The following BLK variants were observed in gnomAD, a reference collection of about 807,000 sequenced individuals.
The protein encoded by BLK is tyrosine-protein kinase Blk.
Under a neutral mutation model 61.8 loss-of-function variants are expected in BLK, and 64 were observed. That is an observed-to-expected ratio of 1.03 (90% CI 0.85 to 1.27). BLK has a LOEUF of 1.27. Among genes scored for constraint, BLK ranks in the 50% most tolerant of loss-of-function variants. The pLI, the probability that BLK is intolerant of heterozygous loss-of-function variation, is 0.00. For missense variants in BLK, 853 were observed against 660.5 expected (o/e 1.29, Z -3.19); for synonymous variants, 351 against 272.0 (o/e 1.29, Z -2.86).
At chr8:11,503,315 T>C (rs1005832121) in intron 1 of BLK, among the ~76,000 whole-genome samples, 1 of 152,186 alleles carries the variant, frequency 6.6e-6, no homozygotes, top group Non-Finnish European at 1.5e-5. Context: ...GCTCCTGATC[T>C]TGGATGGGAG....
At chr8:11,501,414 G>A (rs931113330) in intron 1 of BLK, among the ~76,000 whole-genome samples, 20 of 149,740 alleles carry the variant, frequency 1.3e-4, no homozygotes, top group African/African-American at 4.9e-4. Flanking sequence ...TGTGGTGTCT[G>A]TCTGTCTGTC....
intron 2 of BLK, among the ~76,000 whole-genome samples, chr8:11,544,843 A>G (rs1193141442): frequency 1.3e-5 from 2 of 152,202 alleles, no homozygotes; most frequent in East Asian, 1.9e-4. Context: ...TATTTGTAAC[A>G]TATGTCAGGT....
chr8:11,510,774 C>CAAAT (rs71203391), intron 1 of BLK, among the ~76,000 whole-genome samples: 5,065 of 144,894 alleles, frequency 0.035, 103 homozygotes, highest in Middle Eastern at 0.052. Flanking sequence ...GACTCCATCT[C>CAAAT]AAATAAATAA....
At chr8:11,523,759 T>C (rs750337151) in intron 1 of BLK, among the ~76,000 whole-genome samples, 1 of 151,792 alleles carries the variant, frequency 6.6e-6, no homozygotes. Flanking sequence ...AAGTGGCTAA[T>C]AAGTACATGA....
At chr8:11,498,186 C>A (rs1413278714) in intron 1 of BLK, among the ~76,000 whole-genome samples, 1 of 152,196 alleles carries the variant, frequency 6.6e-6, no homozygotes, top group African/African-American at 2.4e-5. Flanking sequence ...ACAAGACACA[C>A]CTGGGATGCA....
At chr8:11,532,049 G>T (rs1799907063) in intron 1 of BLK, among the ~76,000 whole-genome samples, 2 of 152,044 alleles carry the variant, frequency 1.3e-5, no homozygotes, top group African/African-American at 4.8e-5. Flanking sequence ...AGTAGAGATG[G>T]GGTTTCACCA....
chr8:11,541,355 C>G (rs752370755), intron 1 of BLK, among the ~76,000 whole-genome samples: 15 of 152,106 alleles, frequency 9.9e-5, no homozygotes, highest in South Asian at 4.2e-4. Flanking sequence ...CAGGAATGTA[C>G]AGATGTTTCA....
chr8:11,515,499 T>C (rs963069786), intron 1 of BLK, among the ~76,000 whole-genome samples: 2 of 152,142 alleles, frequency 1.3e-5, no homozygotes, highest in Admixed American at 1.3e-4. Context: ...CTGCTCCCCT[T>C]TAATTGCTTG....
chr8:11,511,383 T>C (rs1799002026), intron 1 of BLK, among the ~76,000 whole-genome samples: 1 of 152,052 alleles, frequency 6.6e-6, no homozygotes, highest in Non-Finnish European at 1.5e-5. Context: ...ACATGGCACA[T>C]GTATACATAT....
In BLK at chr8:11,543,284, G is replaced by A; in HGVS notation, c.60G>A (p.Lys20=). 6.2e-7 allele frequency: 1 copy of A among 1,613,986 alleles called. No individual in the cohort carries two copies. The stretch of plus-strand genomic sequence containing the variant: ...AAAAGCCGATCAAAGAGAAGGACAA[G>A]GGCCAATGGAGCCCCCTGAAGGTCA... ...DKEKPIKEKD[K]GQWSPLKVSA... The change falls in exon 2 of 13, where the codon AAG becomes AAA. Residue 20 remains lysine, a synonymous_variant. Transcript: ENST00000259089.
At chr8:11,509,902 TTCTTC>T (rs1798930242) in intron 1 of BLK, 1 of 152,164 alleles carries the variant, frequency 6.6e-6, no homozygotes, top group Non-Finnish European at 1.5e-5. Context: ...GCACCTTAGA[TTCTTC>T]TCTTTTCTTT....
chr8:11,495,995 G>A (rs1798347007), intron 1 of BLK, among the ~76,000 whole-genome samples: 1 of 152,202 alleles, frequency 6.6e-6, no homozygotes, highest in Admixed American at 6.5e-5. Flanking sequence ...CTCAGAGCAG[G>A]AGTAGCCAAA....
Position 11,562,983 on chromosome 8 carries a change from CAAGTTCCCCATCAAGTGG to C in BLK, c.1187_1204del (p.Lys396_Trp401del), listed in dbSNP as rs775429022. The C allele has an allele frequency of 1.9e-6, 3 of 1,613,968 alleles. No individual in the cohort carries two copies. The highest frequency in any genetic ancestry group is 3.3e-5 in the Admixed American group (2 of 60,012). On this transcript the variant is annotated inframe_deletion, in exon 12 of 13. Transcript: ENST00000259089. ...CTTGCATGGCTTTTCCCACAGGGGC[CAAGTTCCCCATCAAGTGG>C]ACAGCCCCGGAAGCCATCCACTTCG...
chr8:11,561,348 G>A lies in BLK; in HGVS notation c.1076G>A (p.Arg359His), dbSNP rs771699695. The A allele has an allele frequency of 1.2e-5, 20 of 1,613,960 alleles. No individual in the cohort carries two copies. Among genetic ancestry groups the A allele is most frequent in the South Asian group, 4.4e-5 (4 of 91,046 alleles). Residue 359 changes from arginine (R) to histidine (H), a missense_variant, in exon 11 of 13, where the codon CGC (arginine) becomes CAC (histidine). Transcript: ENST00000259089. Reference sequence around the variant, plus strand: ...ATTGAGCGCATGAATTCCATCCACCGCGACCTGCGGGCGGCCAACATCCTG... The same window carrying A: ...ATTGAGCGCATGAATTCCATCCACCACGACCTGCGGGCGGCCAACATCCTG... ...AYIERMNSIH[R>H]DLRAANILVS...
Position 11,555,453 on chromosome 8 carries a change from C to T in BLK, c.741C>T (p.Leu247=), listed in dbSNP as rs201671994. The change falls in exon 8 of 13, where the codon CTC becomes CTT. Residue 247 remains leucine (L), a synonymous_variant. Coordinates refer to ENST00000259089, the MANE Select transcript of BLK (RefSeq NM_001715.3). ...AGTCTCTCAGGCTGGTCAGGAAACTCGGGTCTGGACAATTCGGCGAAGTCT... is the reference window on the plus strand; with the variant it reads ...AGTCTCTCAGGCTGGTCAGGAAACTTGGGTCTGGACAATTCGGCGAAGTCT... ...PRQSLRLVRK[L]GSGQFGEVWM... The T allele has an allele frequency of 3.2e-5, 51 of 1,614,156 alleles. No individual in the cohort carries two copies. The highest frequency in any genetic ancestry group is 1.6e-4 in the East Asian group (7 of 44,880).
intron 1 of BLK, among the ~76,000 whole-genome samples, chr8:11,500,990 C>G (rs1019745848): frequency 1.3e-5 from 2 of 151,992 alleles, no homozygotes; most frequent in Non-Finnish European, 2.9e-5. Flanking sequence ...GGGAGGATTG[C>G]TTGAGGTCAG....
chr8:11,532,848 G>C (rs1456806873), intron 1 of BLK, among the ~76,000 whole-genome samples: 3 of 152,220 alleles, frequency 2.0e-5, no homozygotes, highest in African/African-American at 7.2e-5. Flanking sequence ...TTTCTTTAGA[G>C]AGTGTCACAC....
chr8:11,548,194 CCACCA>C, intron 4 of BLK, 69 bp downstream of exon 4: 1 of 1,319,266 alleles, frequency 7.6e-7, no homozygotes, highest in South Asian at 1.2e-5. Context: ...CTTTCTCCAC[CCACCA>C]CATCCTCCAT....
At chr8:11,506,356 A>C (rs958484909) in intron 1 of BLK, among the ~76,000 whole-genome samples, 1 of 152,164 alleles carries the variant, frequency 6.6e-6, no homozygotes, top group Admixed American at 6.5e-5. Context: ...TTTAGAAAAA[A>C]AGAAAACAAC....
Sources: allele counts gnomAD v4.1 joint callset (sites outside exome capture counted in the v4.1 genomes callset), GRCh38; gene constraint gnomAD v4.1.1; transcripts MANE v1.5; gene names NCBI Gene and HGNC (gene_info 2026-07-23, HGNC 2026-07-21).